The following UNC5D variants were observed in gnomAD, a reference collection of about 807,000 sequenced individuals.
UNC5D encodes netrin receptor UNC5D.
A neutral mutation model predicts 105.4 loss-of-function variants in UNC5D; 39 were observed. The observed-to-expected ratio is 0.37, with a 90% CI of 0.29 to 0.48. The LOEUF is 0.48. Ranked by LOEUF, UNC5D falls within the 20% of genes least tolerant of loss-of-function variation. The pLI, the probability that UNC5D is intolerant of heterozygous loss-of-function variation, is 0.98. For missense variants in UNC5D, 991 were observed against 1,202.4 expected, an observed-to-expected ratio of 0.82 and a Z score of 2.60; for synonymous variants, 452 against 450.4, an observed-to-expected ratio of 1.00 and a Z score of -0.04.
chr8:35,290,655 AAG>A (rs1286086760), intron 1 of UNC5D, among the ~76,000 whole-genome samples: 1 of 152,148 alleles, frequency 6.6e-6, no homozygotes, highest in Non-Finnish European at 1.5e-5. Context: ...ATTTTAAAAA[AAG>A]AAGTGTGGAG....
chr8:35,528,654 G>A (rs1469965373), intron 1 of UNC5D, among the ~76,000 whole-genome samples: 6 of 147,186 alleles, frequency 4.1e-5, no homozygotes, highest in Admixed American at 1.4e-4. Context: ...CTAGTTTACA[G>A]TCCCACCAAC....
chr8:35,711,222 T>C (rs1261457369), intron 8 of UNC5D, among the ~76,000 whole-genome samples: 1 of 150,760 alleles, frequency 6.6e-6, no homozygotes, highest in East Asian at 2.0e-4. Context: ...CCCTGTCACC[T>C]GGGCTGAAGT....
At chr8:35,731,871 C>T (rs1201992297) in intron 11 of UNC5D, among the ~76,000 whole-genome samples, 1 of 152,178 alleles carries the variant, frequency 6.6e-6, no homozygotes, top group African/African-American at 2.4e-5. Context: ...CCTGAAACAT[C>T]AACTGCTTTC....
intron 5 of UNC5D, among the ~76,000 whole-genome samples, chr8:35,684,116 G>C (rs1249434441): frequency 3.3e-5 from 5 of 152,062 alleles, no homozygotes; most frequent in Non-Finnish European, 5.9e-5. Flanking sequence ...CTCTCCCCTG[G>C]TATGTGAAAT....
rs369753306 is a variant in UNC5D at position 35,396,161 on chromosome 8, A to C, written c.104-153131A>C. On this transcript the variant is annotated intron_variant, in intron 1 of 16. Coordinates refer to ENST00000404895, the MANE Select transcript of UNC5D (RefSeq NM_080872.4). ...TAACCTCCTCTCTATTTTAGCTCTG[A>C]AATCTACATTTAGGAATTTGATCAT... 3.4e-3 allele frequency among the ~76,000 whole-genome samples: 521 copies of C among 152,240 alleles called. 4 individuals are homozygous for C. The highest frequency in any genetic ancestry group is 0.012 in the African/African-American group (501 of 41,548).
At position 35,796,131 on chromosome 8, in the gene UNC5D, C is replaced by T. The variant is rs986175871; in HGVS notation, c.*5568C>T. Reference sequence around the variant, plus strand: ...AGCCAAAAAATAAAATAAAATAAAGCAGGGCTGAACACTTAATTTGACATG... The same window carrying T: ...AGCCAAAAAATAAAATAAAATAAAGTAGGGCTGAACACTTAATTTGACATG... On this transcript the variant is annotated 3_prime_UTR_variant, in exon 17 of 17. Transcript: ENST00000404895. 4 of 151,984 alleles carry T rather than the reference C, an allele frequency of 2.6e-5. No homozygotes were observed. The highest frequency in any genetic ancestry group is 7.2e-5 in the African/African-American group (3 of 41,380). 9.4% of individuals were successfully genotyped at this position (151,984 alleles called of 1,614,324 possible).
chr8:35,463,792 G>GAA (rs776755576), intron 1 of UNC5D, among the ~76,000 whole-genome samples: 6 of 114,404 alleles, frequency 5.2e-5, no homozygotes, highest in South Asian at 2.7e-4. Flanking sequence ...ACCTGTCTCA[G>GAA]AAAAAAAAAA....
chr8:35,633,974 A>T (rs1026090909), intron 4 of UNC5D, among the ~76,000 whole-genome samples: 1 of 152,258 alleles, frequency 6.6e-6, no homozygotes, highest in Non-Finnish European at 1.5e-5. Context: ...CCCAGTCATT[A>T]GTCCAAACCA....
intron 1 of UNC5D, among the ~76,000 whole-genome samples, chr8:35,466,475 T>C (rs1011924988): frequency 3.3e-5 from 5 of 152,204 alleles, no homozygotes; most frequent in Non-Finnish European, 1.5e-5. Flanking sequence ...CATAAAACTT[T>C]ACATTCAAGC....
At chr8:35,709,779 G>A (rs1434722466) in intron 8 of UNC5D, among the ~76,000 whole-genome samples, 1 of 152,152 alleles carries the variant, frequency 6.6e-6, no homozygotes, top group Non-Finnish European at 1.5e-5. Flanking sequence ...GGTAGCTTGG[G>A]GATGAGCAGT....
chr8:35,759,807 G>C (rs1258377500), intron 14 of UNC5D, among the ~76,000 whole-genome samples: 3 of 152,132 alleles, frequency 2.0e-5, no homozygotes, highest in Non-Finnish European at 4.4e-5. Flanking sequence ...ATTAAAATCA[G>C]TTCATTATGA....
Position 35,629,060 on chromosome 8 carries a change from A to G in UNC5D, c.570+33403A>G, listed in dbSNP as rs749750154. 2.0e-4 allele frequency among the ~76,000 whole-genome samples: 30 copies of G among 152,050 alleles called. 1 individual carries two copies. The highest frequency in any genetic ancestry group is 3.7e-4 in the Non-Finnish European group (25 of 67,994). On this transcript the variant is annotated intron_variant, in intron 4 of 16. Transcript: ENST00000404895. ...AACAGTTTTATATGCAGAGTTTCTA[A>G]TTCTTTGCCTTTCTGGTTTGCCATT... is the stretch of plus-strand genomic sequence containing the variant.
chr8:35,555,912 CA>C (rs1475543552), intron 2 of UNC5D, among the ~76,000 whole-genome samples: 1 of 127,968 alleles, frequency 7.8e-6, no homozygotes, highest in East Asian at 2.4e-4. Flanking sequence ...CACACACACA[CA>C]CACACACACA....
intron 1 of UNC5D, among the ~76,000 whole-genome samples, chr8:35,400,708 G>A (rs1044983878): frequency 2.0e-5 from 3 of 152,074 alleles, no homozygotes; most frequent in African/African-American, 7.2e-5. Flanking sequence ...AATTTCATAG[G>A]CATTCCACTC....
chr8:35,630,581 C>G (rs922718857), intron 4 of UNC5D, among the ~76,000 whole-genome samples: 1 of 152,136 alleles, frequency 6.6e-6, no homozygotes, highest in Non-Finnish European at 1.5e-5. Flanking sequence ...TTCTGGCTCT[C>G]TCCAGGGACC....
rs1801421999 is a variant in UNC5D, at chr8:35,759,489, C to G, written c.2313+20C>G. 1.9e-6 allele frequency: 3 copies of G among 1,600,620 alleles called. No individual in the cohort carries two copies. The highest frequency in any genetic ancestry group is 2.6e-6 in the Non-Finnish European group (3 of 1,176,102). ...TGCCAGGTACTGGCCAAATGGGTTT[C>G]TAACAGAAACGGCTTTGCTTTAACC... On this transcript the variant is annotated intron_variant, in intron 14 of 16. Coordinates refer to ENST00000404895, the MANE Select transcript of UNC5D (RefSeq NM_080872.4).
At chr8:35,642,412 G>A (rs952640743) in intron 4 of UNC5D, among the ~76,000 whole-genome samples, 1 of 151,952 alleles carries the variant, frequency 6.6e-6, no homozygotes, top group Non-Finnish European at 1.5e-5. Flanking sequence ...GACTCTGATT[G>A]CAAACAAATA....
intron 1 of UNC5D, among the ~76,000 whole-genome samples, chr8:35,505,789 G>C (rs1812271194): frequency 6.6e-6 from 1 of 152,174 alleles, no homozygotes; most frequent in South Asian, 2.1e-4. Context: ...ACTAAGTCAG[G>C]AAAGTGATTT....
intron 12 of UNC5D, among the ~76,000 whole-genome samples, chr8:35,749,405 T>C (rs1225271541): frequency 6.6e-6 from 1 of 152,146 alleles, no homozygotes; most frequent in East Asian, 1.9e-4. Context: ...TCAGCTTGCA[T>C]GAAACTGGGA....
Sources: gnomAD v4.1 joint callset for allele counts (sites outside exome capture counted in the v4.1 genomes callset) on GRCh38, gnomAD v4.1.1 for gene constraint, MANE v1.5 for transcripts, NCBI Gene and HGNC (gene_info 2026-07-23, HGNC 2026-07-21) for gene names.